NDUFAF2: variants seen among roughly 807,000 people sequenced by gnomAD.
NDUFAF2 encodes NADH:ubiquinone oxidoreductase complex assembly factor 2, also known as NADH dehydrogenase [ubiquinone] 1 alpha subcomplex assembly factor 2.
In NDUFAF2, 13 loss-of-function variants were observed where a neutral mutation model predicts 22.8. That is an observed-to-expected ratio of 0.57 (90% confidence interval 0.37 to 0.91). The LOEUF is 0.91. Among genes scored for constraint, NDUFAF2 ranks in the 40% least tolerant of loss-of-function variants. NDUFAF2 has a pLI of 0.01. For missense variants in NDUFAF2, 162 were observed against 195.2 expected, an observed-to-expected ratio of 0.83 and a Z score of 1.01; for synonymous variants, 53 against 64.2, an observed-to-expected ratio of 0.83 and a Z score of 0.84.
At chr5:61,134,159 A>C (rs966002700) in intron 3 of NDUFAF2, among the ~76,000 whole-genome samples, 5 of 152,312 alleles carry the variant, frequency 3.3e-5, no homozygotes, top group Non-Finnish European at 7.3e-5. Flanking sequence ...CAAGTAAAAA[A>C]AGTAAGATGA....
intron 3 of NDUFAF2, among the ~76,000 whole-genome samples, chr5:61,110,249 A>G (rs1378225924): frequency 6.6e-6 from 1 of 151,348 alleles, no homozygotes; most frequent in African/African-American, 2.4e-5. Flanking sequence ...ATATTGGCCT[A>G]TAGTTTTCTT....
intron 3 of NDUFAF2, among the ~76,000 whole-genome samples, chr5:61,118,870 T>C (rs1320456907): frequency 6.6e-6 from 1 of 152,166 alleles, no homozygotes; most frequent in Non-Finnish European, 1.5e-5. Context: ...CGGGTAGTTA[T>C]TATCTCTGGG....
At chr5:60,976,797 T>C (rs1750907620) in intron 1 of NDUFAF2, among the ~76,000 whole-genome samples, 1 of 152,170 alleles carries the variant, frequency 6.6e-6, no homozygotes, top group South Asian at 2.1e-4. Context: ...TTCTTTTTCA[T>C]AAGGAACCTG....
chr5:61,132,547 T>A lies in NDUFAF2; in HGVS notation c.259-20157T>A, dbSNP rs1276632491. 2.0e-5 allele frequency among the ~76,000 whole-genome samples: 3 copies of A among 152,304 alleles called. No individual in the cohort carries two copies. The South Asian group carries it at 6.2e-4, about 32-fold the overall frequency. ...CTCCTGGGCTACCACTGATACCCAC[T>A]TGTACTTACACCTGATGGCCCAACC... On this transcript the variant is annotated intron_variant, in intron 3 of 3. Transcript: ENST00000296597.
intron 3 of NDUFAF2, among the ~76,000 whole-genome samples, chr5:61,145,083 T>C (rs548844652): frequency 3.9e-5 from 6 of 152,302 alleles, no homozygotes; most frequent in African/African-American, 1.2e-4. Flanking sequence ...TGTTAGTAGA[T>C]TCCATATTTA....
intron 1 of NDUFAF2, among the ~76,000 whole-genome samples, chr5:60,948,874 C>G (rs1015297387): frequency 1.3e-5 from 2 of 152,106 alleles, no homozygotes; most frequent in South Asian, 4.1e-4. Context: ...AAGAAACTGC[C>G]TAAGTGGTGG....
chr5:61,079,924 C>T (rs1044533506), intron 2 of NDUFAF2, among the ~76,000 whole-genome samples: 9 of 152,138 alleles, frequency 5.9e-5, no homozygotes, highest in African/African-American at 9.7e-5. Context: ...CTGGGGCGAT[C>T]GTGAGGTCAG....
chr5:61,128,200 A>G (rs889491008), intron 3 of NDUFAF2, among the ~76,000 whole-genome samples: 2 of 152,338 alleles, frequency 1.3e-5, no homozygotes, highest in Admixed American at 6.5e-5. Context: ...AAGAATCAAT[A>G]TCATGAAAAT....
chr5:61,113,816 G>GT (rs34763275), intron 3 of NDUFAF2, among the ~76,000 whole-genome samples: 12 of 150,176 alleles, frequency 8.0e-5, no homozygotes, highest in African/African-American at 2.2e-4. Flanking sequence ...TAGGATTAAA[G>GT]TTTTTTTTTT....
At chr5:61,026,428 A>G (rs1751651029) in intron 1 of NDUFAF2, among the ~76,000 whole-genome samples, 1 of 152,074 alleles carries the variant, frequency 6.6e-6, no homozygotes, top group Non-Finnish European at 1.5e-5. Context: ...TGATATCTAA[A>G]TATGTGTTTA....
At chr5:61,006,665 G>C (rs1751370784) in intron 1 of NDUFAF2, among the ~76,000 whole-genome samples, 1 of 152,078 alleles carries the variant, frequency 6.6e-6, no homozygotes, top group Non-Finnish European at 1.5e-5. Context: ...CACATCCCTT[G>C]TAAGTTGGAT....
intron 1 of NDUFAF2, among the ~76,000 whole-genome samples, chr5:60,985,479 G>T (rs2112581803): frequency 6.6e-6 from 1 of 152,042 alleles, no homozygotes; most frequent in Non-Finnish European, 1.5e-5. Context: ...TCTTTTAATT[G>T]TGATGTTAGG....
At chr5:61,148,476 T>A (rs1165310445) in intron 3 of NDUFAF2, among the ~76,000 whole-genome samples, 1 of 152,254 alleles carries the variant, frequency 6.6e-6, no homozygotes, top group Non-Finnish European at 1.5e-5. Context: ...GTTTGCTATG[T>A]TTATTTTTTA....
intron 1 of NDUFAF2, among the ~76,000 whole-genome samples, chr5:60,968,111 A>G (rs1320590078): frequency 6.6e-6 from 1 of 151,740 alleles, no homozygotes; most frequent in Non-Finnish European, 1.5e-5. Context: ...TCTAGGTTAT[A>G]CAATTTGTTG....
intron 1 of NDUFAF2, among the ~76,000 whole-genome samples, chr5:61,046,915 C>T (rs1233934354): frequency 6.6e-6 from 1 of 152,110 alleles, no homozygotes; most frequent in Non-Finnish European, 1.5e-5. Context: ...TGTTCCCCAC[C>T]CACCTACATT....
chr5:61,011,878 T>A (rs893251962), intron 1 of NDUFAF2, among the ~76,000 whole-genome samples: 34 of 152,012 alleles, frequency 2.2e-4, no homozygotes, highest in East Asian at 7.8e-4. Flanking sequence ...TTCTCTTTTT[T>A]AAAAAAAATA....
In NDUFAF2 at chr5:60,945,354, C is replaced by T. The variant is rs748885030; in HGVS notation, c.99C>T (p.Tyr33=). 4 of 1,614,206 alleles carry T rather than the reference C, an allele frequency of 2.5e-6. No homozygotes were observed. The South Asian group carries it at 4.4e-5, about 18-fold the overall frequency. ...VGTDQFGNKY[Y]YIPQYKNWRG... Reference sequence around the variant, plus strand: ...CGGACCAATTCGGGAACAAATACTACTACATCCCGCAGTACAAGAACTGGA... The same window carrying T: ...CGGACCAATTCGGGAACAAATACTATTACATCCCGCAGTACAAGAACTGGA... Residue 33 remains tyrosine (Y), a synonymous_variant, in exon 1 of 4, where the codon TAC becomes TAT. Transcript: ENST00000296597.
At chr5:61,126,167 G>C (rs1165098430) in intron 3 of NDUFAF2, among the ~76,000 whole-genome samples, 1 of 151,840 alleles carries the variant, frequency 6.6e-6, no homozygotes, top group East Asian at 1.9e-4. Context: ...GTTAAAAATT[G>C]ATTGCTTTTC....
chr5:61,103,765 C>T (rs1343371916), intron 3 of NDUFAF2, among the ~76,000 whole-genome samples: 1 of 152,044 alleles, frequency 6.6e-6, no homozygotes, highest in Non-Finnish European at 1.5e-5. Flanking sequence ...CATAGGAATT[C>T]ACATTTACCT....
Sources: gnomAD v4.1 joint callset for allele counts (sites outside exome capture counted in the v4.1 genomes callset) on GRCh38, gnomAD v4.1.1 for gene constraint, MANE v1.5 for transcripts, NCBI Gene and HGNC (gene_info 2026-07-23, HGNC 2026-07-21) for gene names.